LRRC4C: variants seen among roughly 807,000 people sequenced by gnomAD.
LRRC4C encodes leucine-rich repeat-containing protein 4C.
Under a neutral mutation model 33.6 loss-of-function variants are expected in LRRC4C, and 5 were observed. That is an observed-to-expected ratio of 0.15 (90% CI 0.08 to 0.31). LRRC4C has a LOEUF of 0.31. LRRC4C is among the 10% of genes least tolerant of loss of function. LRRC4C has a pLI of 1.00. For missense variants in LRRC4C, 560 were observed against 796.7 expected (o/e 0.70, Z 3.58); for synonymous variants, 329 against 302.0 (o/e 1.09, Z -0.93).
At chr11:40,652,024 A>C (rs1417038483) in intron 2 of LRRC4C, among the ~76,000 whole-genome samples, 1 of 152,162 alleles carries the variant, frequency 6.6e-6, no homozygotes, top group African/African-American at 2.4e-5. Flanking sequence ...TCTTTACAAA[A>C]ACTCAATTGG....
At chr11:41,029,191 G>A (rs1222857775) in intron 1 of LRRC4C, among the ~76,000 whole-genome samples, 1 of 151,736 alleles carries the variant, frequency 6.6e-6, no homozygotes, top group African/African-American at 2.4e-5. Context: ...CAAAGCAGCA[G>A]GTTTTACATG....
chr11:41,273,905 C>T (rs747465027), intron 1 of LRRC4C, among the ~76,000 whole-genome samples: 1 of 152,050 alleles, frequency 6.6e-6, no homozygotes, highest in African/African-American at 2.4e-5. Flanking sequence ...TTTATATCCA[C>T]ACAAAACTTT....
At chr11:41,416,909 C>T (rs550063084) in intron 1 of LRRC4C, among the ~76,000 whole-genome samples, 2 of 152,036 alleles carry the variant, frequency 1.3e-5, no homozygotes, top group East Asian at 1.9e-4. Flanking sequence ...TGTGGCGTGG[C>T]AACTGAGTAA....
At chr11:41,281,250 C>T (rs1385166198) in intron 1 of LRRC4C, among the ~76,000 whole-genome samples, 1 of 152,022 alleles carries the variant, frequency 6.6e-6, no homozygotes, top group Non-Finnish European at 1.5e-5. Flanking sequence ...GCCTCCTTCT[C>T]TGAGTCATCA....
intron 1 of LRRC4C, among the ~76,000 whole-genome samples, chr11:41,360,218 C>T (rs185329597): frequency 1.5e-4 from 23 of 152,094 alleles, no homozygotes; most frequent in Admixed American, 1.5e-3. Flanking sequence ...AGAATAAAAT[C>T]AAGTTTTATC....
chr11:41,395,481 C>G (rs922479034), intron 1 of LRRC4C, among the ~76,000 whole-genome samples: 1 of 151,950 alleles, frequency 6.6e-6, no homozygotes, highest in African/African-American at 2.4e-5. Context: ...AATTTAGTCT[C>G]ATTTTGTGCA....
intron 3 of LRRC4C, among the ~76,000 whole-genome samples, chr11:40,465,393 G>C (rs1332369977): frequency 6.6e-6 from 1 of 151,870 alleles, no homozygotes; most frequent in East Asian, 1.9e-4. Context: ...TCTGGACATA[G>C]GGCTACATTA....
At chr11:40,376,736 T>G (rs1421546806) in intron 3 of LRRC4C, among the ~76,000 whole-genome samples, 1 of 151,912 alleles carries the variant, frequency 6.6e-6, no homozygotes, top group Non-Finnish European at 1.5e-5. Context: ...TGTGTGTGTG[T>G]GTGTGTGTGT....
chr11:40,154,503 G>T (rs1858514395), intron 5 of LRRC4C, among the ~76,000 whole-genome samples: 1 of 152,098 alleles, frequency 6.6e-6, no homozygotes, highest in Non-Finnish European at 1.5e-5. Flanking sequence ...TAAACTTAAA[G>T]TAAAGGGGTG....
At chr11:40,137,678 G>T in intron 6 of LRRC4C, among the ~76,000 whole-genome samples, 1 of 152,098 alleles carries the variant, frequency 6.6e-6, no homozygotes, top group East Asian at 1.9e-4. Flanking sequence ...ATTATAAAAA[G>T]GACCCTGGGG....
At chr11:41,076,092 C>T (rs567502271) in intron 1 of LRRC4C, among the ~76,000 whole-genome samples, 3 of 152,282 alleles carry the variant, frequency 2.0e-5, no homozygotes, top group East Asian at 1.9e-4. Context: ...TAGATGATCT[C>T]GTCCAATCTC....
chr11:40,198,542 T>G (rs193249245), intron 5 of LRRC4C, among the ~76,000 whole-genome samples: 13 of 152,364 alleles, frequency 8.5e-5, no homozygotes, highest in African/African-American at 3.1e-4. Context: ...ATTTATTTAT[T>G]TATTCCTTTG....
chr11:40,314,613 T>TA lies in LRRC4C; in HGVS notation c.-176+5014dup, dbSNP rs1945483875. On this transcript the variant is annotated intron_variant, in intron 4 of 6. Transcript: ENST00000528697. ...ATCTACATTCCCTTGCTTATTGCAG[T>TA]ATTACTGGCAATAGCCAAGGTATGG... Among the ~76,000 whole-genome samples, 2 of 152,112 alleles carry TA rather than the reference T, an allele frequency of 1.3e-5. 1 individual carries two copies. Among genetic ancestry groups the TA allele is most frequent in the Non-Finnish European group, 2.9e-5 (2 of 68,032 alleles).
intron 2 of LRRC4C, among the ~76,000 whole-genome samples, chr11:40,775,844 A>G (rs372482976): frequency 6.6e-6 from 1 of 152,136 alleles, no homozygotes; most frequent in Non-Finnish European, 1.5e-5. Context: ...AAACATTATT[A>G]TCTTGTACCC....
At chr11:41,344,151 C>T (rs1951724991) in intron 1 of LRRC4C, among the ~76,000 whole-genome samples, 1 of 152,040 alleles carries the variant, frequency 6.6e-6, no homozygotes, top group South Asian at 2.1e-4. Flanking sequence ...CATCCCCATT[C>T]CCCATGTCTT....
intron 3 of LRRC4C, among the ~76,000 whole-genome samples, chr11:40,606,468 T>G (rs973441657): frequency 1.6e-4 from 25 of 151,924 alleles, no homozygotes; most frequent in Non-Finnish European, 1.5e-5. Flanking sequence ...TAGGAGAGAT[T>G]TTTTTTCAAA....
intron 4 of LRRC4C, among the ~76,000 whole-genome samples, chr11:40,297,111 TACA>T (rs1208588638): frequency 1.3e-5 from 2 of 152,156 alleles, no homozygotes; most frequent in African/African-American, 2.4e-5. Context: ...TAATCAGAAA[TACA>T]AAATAGCAAA....
chr11:40,484,456 A>C (rs1201282959), intron 3 of LRRC4C, among the ~76,000 whole-genome samples: 2 of 152,116 alleles, frequency 1.3e-5, no homozygotes, highest in African/African-American at 4.8e-5. Flanking sequence ...TGTGAATACT[A>C]ATGTACCTGG....
intron 2 of LRRC4C, among the ~76,000 whole-genome samples, chr11:40,723,584 G>A (rs1445755535): frequency 6.6e-6 from 1 of 151,994 alleles, no homozygotes; most frequent in Admixed American, 6.6e-5. Context: ...CCACTAGACT[G>A]GCCTTATAAG....
Sources: allele counts gnomAD v4.1 joint callset (sites outside exome capture counted in the v4.1 genomes callset), GRCh38; gene constraint gnomAD v4.1.1; transcripts MANE v1.5; gene names NCBI Gene and HGNC (gene_info 2026-07-23, HGNC 2026-07-21).